The following NTSR1 variants were observed in gnomAD, a reference collection of about 807,000 sequenced individuals.
NTSR1 encodes the protein neurotensin receptor 1, also known as neurotensin receptor type 1.
A neutral mutation model predicts 31.2 loss-of-function variants in NTSR1; 29 were observed. The observed-to-expected ratio is 0.93, with a 90% CI of 0.69 to 1.27. NTSR1 has a LOEUF of 1.27. Among genes scored for constraint, NTSR1 ranks in the 50% most tolerant of loss-of-function variants. The pLI is 0.00. For synonymous variants in NTSR1, 282 were observed against 269.9 expected, an observed-to-expected ratio of 1.04 and a Z score of -0.44; for missense variants, 697 against 595.4, an observed-to-expected ratio of 1.17 and a Z score of -1.78.
intron 1 of NTSR1, among the ~76,000 whole-genome samples, chr20:62,753,374 T>C (rs3787521): frequency 0.088 from 13,397 of 152,248 alleles, 748 homozygotes; most frequent in African/African-American, 0.16. Context: ...TGACTTGGAC[T>C]GTTGAGGCCA....
chr20:62,755,323 TCCTC>T (rs1342060766), intron 2 of NTSR1, among the ~76,000 whole-genome samples: 3 of 39,394 alleles, frequency 7.6e-5, no homozygotes, highest in South Asian at 2.7e-3. Context: ...CTCCCTTCCT[TCCTC>T]CCTCCCTCCA....
chr20:62,739,373 A>G (rs1230973055), intron 1 of NTSR1, among the ~76,000 whole-genome samples: 2 of 152,220 alleles, frequency 1.3e-5, no homozygotes, highest in African/African-American at 4.8e-5. Context: ...TAGAGGCTGG[A>G]GCCCCTGGAA....
intron 1 of NTSR1, among the ~76,000 whole-genome samples, chr20:62,746,128 C>CA (rs1989296219): frequency 6.6e-6 from 1 of 152,200 alleles, no homozygotes; most frequent in Admixed American, 6.5e-5. Context: ...GGGGGAAGGT[C>CA]AAGGCTGCCG....
chr20:62,760,216 G>T lies in NTSR1; in HGVS notation c.1206G>T (p.Val402=). Residue 402 remains valine, a synonymous_variant, in exon 4 of 4, where the codon GTG becomes GTT. Coordinates refer to ENST00000370501, the MANE Select transcript of NTSR1 (RefSeq NM_002531.3). ...RPAFSRKADS[V]SSNHTLSSNA... ...CCTTCTCGAGGAAGGCCGACAGCGT[G>T]TCCAGCAACCACACCCTCTCCAGCA... The T allele has an allele frequency of 4.3e-6, 7 of 1,613,674 alleles. No individual in the cohort carries two copies. Among genetic ancestry groups the T allele is most frequent in the Non-Finnish European group, 5.9e-6 (7 of 1,180,002 alleles).
At position 62,760,248 on chromosome 20, in the gene NTSR1, C is replaced by T. The variant is rs774833545; in HGVS notation, c.1238C>T (p.Thr413Ile). ...SSNHTLSSNA[T>I]RETLY is the part of the protein sequence containing the mutation. ...AACCACACCCTCTCCAGCAATGCCA[C>T]CCGCGAGACGCTGTACTAGGCTGTG... Residue 413 changes from threonine (T) to isoleucine (I), a missense_variant, in exon 4 of 4, where the codon ACC becomes ATC. Thr to Ile is a moderately conservative substitution (Grantham distance 89). Coordinates refer to ENST00000370501, the MANE Select transcript of NTSR1 (RefSeq NM_002531.3). 5.0e-6 allele frequency: 8 copies of T among 1,612,446 alleles called. No homozygotes were observed. Among genetic ancestry groups the T allele is most frequent in the Admixed American group, 1.7e-5 (1 of 59,992 alleles).
chr20:62,713,629 T>C (rs1001158283), intron 1 of NTSR1, among the ~76,000 whole-genome samples: 2 of 152,074 alleles, frequency 1.3e-5, no homozygotes, highest in African/African-American at 4.8e-5. Flanking sequence ...CAACTTATTC[T>C]CAAATCATTC....
At position 62,734,300 on chromosome 20, in the gene NTSR1, C is replaced by CAA. The variant is rs143622816; in HGVS notation, c.715-20371_715-20370dup. ...CTCTGGAGTGTGACCCCCTTCCCCGCAAAAAAAAAAAAAAATCTTGGCTCA... is the reference window on the plus strand; with the variant it reads ...CTCTGGAGTGTGACCCCCTTCCCCGCAAAAAAAAAAAAAAAAATCTTGGCTCA... On this transcript the variant is annotated intron_variant, in intron 1 of 3. Transcript: ENST00000370501. Among the ~76,000 whole-genome samples the CAA allele has an allele frequency of 3.4e-3, 472 of 138,026 alleles. 6 individuals are homozygous for CAA. The highest frequency in any genetic ancestry group is 0.027 in the East Asian group (128 of 4,738). The allele number at this position is 138,026 out of a possible 152,430, so 90.6% of individuals were successfully genotyped here.
intron 1 of NTSR1, among the ~76,000 whole-genome samples, chr20:62,752,114 A>G (rs916712119): frequency 1.3e-5 from 2 of 152,198 alleles, no homozygotes; most frequent in African/African-American, 4.8e-5. Context: ...CGTGTTTTAT[A>G]GGGACTGGAT....
intron 1 of NTSR1, among the ~76,000 whole-genome samples, chr20:62,729,057 A>C (rs1045574528): frequency 6.6e-6 from 1 of 152,202 alleles, no homozygotes; most frequent in Non-Finnish European, 1.5e-5. Context: ...TGCACACCTG[A>C]GGGGCTCGTG....
At position 62,754,872 on chromosome 20, in the gene NTSR1, G is replaced by T. The variant is rs1989456874; in HGVS notation, c.902G>T (p.Gly301Val). The T allele has an allele frequency of 6.2e-7, 1 of 1,601,370 alleles. No individual in the cohort carries two copies. Residue 301 changes from glycine (G) to valine (V), a missense_variant, in exon 2 of 4, where the codon GGC (glycine) becomes GTC (valine). Physicochemically the swap from Gly to Val is moderately radical, Grantham distance 109. Coordinates refer to ENST00000370501, the MANE Select transcript of NTSR1 (RefSeq NM_002531.3). ...GGCAGGGTCCAGGCCCTGCGGCACG[G>T]CGTGCGCGTCCTACGTACGTAACCT... The part of the protein sequence containing the change: ...EPGRVQALRH[G>V]VRVLRAVVIA...
At chr20:62,730,636 C>T (rs578172066) in intron 1 of NTSR1, among the ~76,000 whole-genome samples, 3 of 152,336 alleles carry the variant, frequency 2.0e-5, no homozygotes, top group Non-Finnish European at 4.4e-5. Flanking sequence ...GGTAAGGATA[C>T]GTTGAGCTTT....
chr20:62,726,180 C>G (rs374338730), intron 1 of NTSR1, among the ~76,000 whole-genome samples: 1 of 152,132 alleles, frequency 6.6e-6, no homozygotes, highest in Non-Finnish European at 1.5e-5. Flanking sequence ...GTGGGGCTGC[C>G]ATTGTCCTGA....
intron 1 of NTSR1, among the ~76,000 whole-genome samples, chr20:62,730,595 A>C (rs2147138228): frequency 6.6e-6 from 1 of 152,328 alleles, no homozygotes; most frequent in South Asian, 2.1e-4. Flanking sequence ...TGGGAGTAGA[A>C]ATGCCAAGGA....
At chr20:62,712,769 G>C (rs1988641232) in intron 1 of NTSR1, among the ~76,000 whole-genome samples, 3 of 152,222 alleles carry the variant, frequency 2.0e-5, no homozygotes, top group African/African-American at 7.2e-5. Flanking sequence ...ACGGGCAGAT[G>C]GCCCTTGCTT....
At chr20:62,730,032 G>A (rs977832132) in intron 1 of NTSR1, among the ~76,000 whole-genome samples, 16 of 152,078 alleles carry the variant, frequency 1.1e-4, no homozygotes, top group Admixed American at 7.9e-4. Context: ...GTTAATAACA[G>A]GTGTCTCCCT....
chr20:62,760,314 T>C lies in NTSR1; in HGVS notation c.*47T>C. The C allele has an allele frequency of 6.4e-7, 1 of 1,557,178 alleles. No homozygotes were observed. Among genetic ancestry groups the C allele is most frequent in the Non-Finnish European group, 8.7e-7 (1 of 1,151,434 alleles). ...CCAGGAGGAGCCTGGCCATGGGTCCTTGCCCCCGACAGACAGAGCAGCCCC... is the reference window on the plus strand; with the variant it reads ...CCAGGAGGAGCCTGGCCATGGGTCCCTGCCCCCGACAGACAGAGCAGCCCC... On this transcript the variant is annotated 3_prime_UTR_variant, in exon 4 of 4. Transcript: ENST00000370501.
rs1185049901 is a variant in NTSR1, at chr20:62,733,703, C to G, written c.715-20982C>G. On this transcript the variant is annotated intron_variant, in intron 1 of 3. Transcript: ENST00000370501. The surrounding 1 kb of genome is among the most constrained non-coding windows in gnomAD (Gnocchi z 5.2). ...AGAGAGGGAAAGGCAGAGAGAGAAA[C>G]AGAGGGAGAAACACAAAGAGAGGGA... Among the ~76,000 whole-genome samples the G allele has an allele frequency of 2.7e-5, 4 of 149,486 alleles. No individual in the cohort carries two copies. Among genetic ancestry groups the G allele is most frequent in the Non-Finnish European group, 4.4e-5 (3 of 67,548 alleles).
rs1481482194 is a variant in NTSR1, at chr20:62,762,705, T to G, written c.*2438T>G. The G allele has an allele frequency of 6.6e-6, 1 of 151,976 alleles. No individual in the cohort carries two copies. The highest frequency in any genetic ancestry group is 1.5e-5 in the Non-Finnish European group (1 of 67,972). The allele number at this position is 151,976 out of a possible 1,614,324, so 9.4% of individuals were successfully genotyped here. On this transcript the variant is annotated 3_prime_UTR_variant, in exon 4 of 4. Transcript: ENST00000370501. The stretch of plus-strand genomic sequence containing the variant: ...CAAACGCCCACCCCCACTCCCACCA[T>G]CTGCAGGTGGTGAAAACAAACCCCG...
At chr20:62,755,335 C>G (rs1336129858) in intron 2 of NTSR1, among the ~76,000 whole-genome samples, 1 of 106,352 alleles carries the variant, frequency 9.4e-6, no homozygotes, top group Admixed American at 8.6e-5. Flanking sequence ...CTCCCTCCCT[C>G]CATCCATCCA....
Sources: allele counts gnomAD v4.1 joint callset (sites outside exome capture counted in the v4.1 genomes callset), GRCh38; gene constraint gnomAD v4.1.1; non-coding constraint Gnocchi (gnomAD v3.1); transcripts MANE v1.5; gene names NCBI Gene and HGNC (gene_info 2026-07-23, HGNC 2026-07-21).